SLC24A2: variants seen among roughly 807,000 people sequenced by gnomAD.
The protein encoded by SLC24A2 is sodium/potassium/calcium exchanger 2.
Under a neutral mutation model 62.0 loss-of-function variants are expected in SLC24A2, and 36 were observed. The observed-to-expected ratio is 0.58, with a 90% CI of 0.44 to 0.77. The LOEUF is 0.77. Among genes scored for constraint, SLC24A2 ranks in the 30% least tolerant of loss-of-function variants. The pLI, the probability that SLC24A2 is intolerant of heterozygous loss-of-function variation, is 0.00. For missense variants in SLC24A2, 846 were observed against 817.9 expected (o/e 1.03, Z -0.42); for synonymous variants, 358 against 294.0 (o/e 1.22, Z -2.23).
intron 2 of SLC24A2, among the ~76,000 whole-genome samples, chr9:19,706,379 CTTT>C (rs34321235): frequency 9.9e-5 from 13 of 131,926 alleles, no homozygotes; most frequent in Admixed American, 1.5e-4. Flanking sequence ...GGTCTTGAAT[CTTT>C]TTTTTTTTTT....
intron 2 of SLC24A2, among the ~76,000 whole-genome samples, chr9:19,688,231 C>T (rs183923991): frequency 2.6e-5 from 4 of 152,222 alleles, no homozygotes; most frequent in East Asian, 1.9e-4. Flanking sequence ...GAAAACAGGA[C>T]TTGATAATCC....
intron 2 of SLC24A2, among the ~76,000 whole-genome samples, chr9:19,695,386 T>G (rs1404028312): frequency 6.6e-6 from 1 of 151,890 alleles, no homozygotes; most frequent in Non-Finnish European, 1.5e-5. Flanking sequence ...TACCAGACAC[T>G]TGAGGAAAGC....
the SLC24A2 span, among the ~76,000 whole-genome samples, chr9:20,125,695 G>C: frequency 3.3e-5 from 5 of 152,100 alleles, no homozygotes; most frequent in Admixed American, 3.3e-4. Flanking sequence ...TTTATTTGGG[G>C]CTCCAGAGCA....
the SLC24A2 span, among the ~76,000 whole-genome samples, chr9:20,126,914 C>T: frequency 6.6e-6 from 1 of 152,104 alleles, no homozygotes; most frequent in East Asian, 1.9e-4. Context: ...AGAAAAAATA[C>T]ATTCTGAACT....
chr9:19,615,249 A>G (rs532585227), intron 4 of SLC24A2, among the ~76,000 whole-genome samples: 3 of 152,338 alleles, frequency 2.0e-5, no homozygotes, highest in Admixed American at 6.5e-5. Context: ...TTTTGAACAT[A>G]CACCAAATGC....
chr9:19,544,507 GTTGTTTCTT>G (rs1307782862), intron 8 of SLC24A2, among the ~76,000 whole-genome samples: 5 of 152,126 alleles, frequency 3.3e-5, no homozygotes, highest in African/African-American at 1.2e-4. Flanking sequence ...GTTAGTTGAT[GTTGTTTCTT>G]TATAGTGTTG....
chr9:19,944,785 T>G, the SLC24A2 span, among the ~76,000 whole-genome samples: 2 of 152,240 alleles, frequency 1.3e-5, no homozygotes, highest in Non-Finnish European at 1.5e-5. Context: ...CTTTTGTCAC[T>G]TAGATTTGTC....
At chr9:20,132,427 CTG>C in the SLC24A2 span, among the ~76,000 whole-genome samples, 1 of 152,058 alleles carries the variant, frequency 6.6e-6, no homozygotes, top group African/African-American at 2.4e-5. Flanking sequence ...TTTGAACTTT[CTG>C]TGGATTGCTG....
At chr9:20,219,586 G>T in the SLC24A2 span, among the ~76,000 whole-genome samples, 1 of 152,142 alleles carries the variant, frequency 6.6e-6, no homozygotes, top group Non-Finnish European at 1.5e-5. Flanking sequence ...GCCTTCGTTG[G>T]TAGATTATTA....
the SLC24A2 span, among the ~76,000 whole-genome samples, chr9:19,876,719 TA>T: frequency 1.3e-5 from 2 of 152,150 alleles, no homozygotes; most frequent in East Asian, 3.9e-4. Flanking sequence ...GTCTCTCTCA[TA>T]GCCATGGGAA....
At chr9:19,849,441 T>A in the SLC24A2 span, among the ~76,000 whole-genome samples, 6 of 152,158 alleles carry the variant, frequency 3.9e-5, no homozygotes, top group Non-Finnish European at 7.3e-5. Flanking sequence ...ATGATGAGCT[T>A]CTCCTGAAAA....
the SLC24A2 span, among the ~76,000 whole-genome samples, chr9:20,042,730 T>C: frequency 1.3e-5 from 2 of 152,278 alleles, no homozygotes; most frequent in Non-Finnish European, 2.9e-5. Flanking sequence ...ACAATATCTA[T>C]GTGCCATTTT....
chr9:19,555,599 G>A (rs1835049469), intron 7 of SLC24A2, among the ~76,000 whole-genome samples: 1 of 152,204 alleles, frequency 6.6e-6, no homozygotes, highest in Admixed American at 6.5e-5. Flanking sequence ...AATAAAAAAA[G>A]TAACATTCTT....
chr9:19,740,370 T>C (rs749289279), intron 2 of SLC24A2, among the ~76,000 whole-genome samples: 7 of 152,214 alleles, frequency 4.6e-5, no homozygotes, highest in Non-Finnish European at 1.0e-4. Flanking sequence ...TTGTAGTGTA[T>C]TCTTACAATG....
At chr9:20,062,867 T>G in the SLC24A2 span, among the ~76,000 whole-genome samples, 1 of 125,164 alleles carries the variant, frequency 8.0e-6, no homozygotes, top group Admixed American at 9.1e-5. Flanking sequence ...AAGACATTTA[T>G]GCAGCCAAAA....
chr9:19,568,102 T>C (rs971961241), intron 7 of SLC24A2, among the ~76,000 whole-genome samples: 1 of 152,220 alleles, frequency 6.6e-6, no homozygotes, highest in African/African-American at 2.4e-5. Flanking sequence ...CACCTCACTC[T>C]TAACGGAACT....
At chr9:20,254,492 C>G in the SLC24A2 span, among the ~76,000 whole-genome samples, 1 of 152,108 alleles carries the variant, frequency 6.6e-6, no homozygotes, top group African/African-American at 2.4e-5. Flanking sequence ...GCAGGATATC[C>G]CTAGCAGACT....
intron 2 of SLC24A2, among the ~76,000 whole-genome samples, chr9:19,650,822 AGTGTGTGTGT>A (rs61576823): frequency 2.1e-4 from 31 of 149,084 alleles, no homozygotes; most frequent in Non-Finnish European, 3.4e-4. Context: ...ATCAGCTTCT[AGTGTGTGTGT>A]GTGTGTGTGT....
the SLC24A2 span, among the ~76,000 whole-genome samples, chr9:20,019,137 GAAAGAAAGAA>G: frequency 1.4e-3 from 149 of 105,472 alleles, 2 homozygotes; most frequent in African/African-American, 5.4e-3. Context: ...AAGAAAGAAA[GAAAGAAAGAA>G]AGAAAGAAAG....
Sources: allele counts gnomAD v4.1 joint callset (sites outside exome capture counted in the v4.1 genomes callset), GRCh38; gene constraint gnomAD v4.1.1; transcripts MANE v1.5; gene names NCBI Gene and HGNC (gene_info 2026-07-23, HGNC 2026-07-21).